INPP4B: variants seen among roughly 807,000 people sequenced by gnomAD.
INPP4B encodes the protein inositol polyphosphate 4-phosphatase type II.
A neutral mutation model predicts 122.5 loss-of-function variants in INPP4B; 55 were observed. That is an observed-to-expected ratio of 0.45 (90% CI 0.36 to 0.56). The LOEUF (loss-of-function observed/expected upper bound fraction) is 0.56, where lower values mean the gene tolerates loss of function less well. Ranked by LOEUF, INPP4B falls within the 20% of genes least tolerant of loss-of-function variation. INPP4B has a pLI of 0.00. For synonymous variants in INPP4B, 403 were observed against 388.7 expected, an observed-to-expected ratio of 1.04 and a Z score of -0.43; for missense variants, 1,000 against 1,097.7, an observed-to-expected ratio of 0.91 and a Z score of 1.26.
intron 2 of INPP4B, among the ~76,000 whole-genome samples, chr4:142,633,929 G>C (rs1185583141): frequency 6.6e-6 from 1 of 152,172 alleles, no homozygotes; most frequent in East Asian, 1.9e-4. Context: ...GGGAGACTGA[G>C]GCAGGAGGAT....
rs150480591 is a variant in INPP4B at position 142,626,570 on chromosome 4, T to G, written c.-191+99269A>C. On this transcript the variant is annotated intron_variant, in intron 2 of 25. Coordinates refer to ENST00000262992, the MANE Select transcript of INPP4B (RefSeq NM_001101669.3). ...ACTTGGAAAAGGGCTCTAAGTTCCA[T>G]GTACGAATTAAACTCCACTCACTTC... is the stretch of plus-strand genomic sequence containing the variant. Among the ~76,000 whole-genome samples the G allele has an allele frequency of 2.6e-3, 401 of 152,112 alleles. 5 individuals are homozygous for G. The highest frequency in any genetic ancestry group is 0.018 in the East Asian group (91 of 5,138).
At chr4:142,382,220 A>G (rs1465792327) in intron 7 of INPP4B, among the ~76,000 whole-genome samples, 6 of 152,052 alleles carry the variant, frequency 3.9e-5, no homozygotes, top group Admixed American at 1.3e-4. Flanking sequence ...AATATTTTAT[A>G]TTTTTCAGCT....
chr4:142,659,725 G>T lies in INPP4B; in HGVS notation c.-191+66114C>A, dbSNP rs548531853. Among the ~76,000 whole-genome samples, 42 of 152,234 alleles carry T rather than the reference G, an allele frequency of 2.8e-4. 1 individual carries two copies. The South Asian group carries it at 8.3e-3, about 30-fold the overall frequency. On this transcript the variant is annotated intron_variant, in intron 2 of 25. Transcript: ENST00000262992. ...AGTAAAACCAAGGGAGCTAACCAAA[G>T]CCAAGCACCATGCACCCAAATCTTA...
intron 1 of INPP4B, among the ~76,000 whole-genome samples, chr4:142,781,032 A>G (rs975276784): frequency 1.3e-5 from 2 of 152,166 alleles, no homozygotes; most frequent in African/African-American, 4.8e-5. Context: ...TGTGAGCTAA[A>G]AAGTGCTATA....
chr4:142,566,650 A>G (rs2150142358), intron 2 of INPP4B, among the ~76,000 whole-genome samples: 1 of 152,334 alleles, frequency 6.6e-6, no homozygotes, highest in South Asian at 2.1e-4. Context: ...CTTGGTTTAC[A>G]GAGAATATGT....
At chr4:142,775,983 T>C (rs993015989) in intron 1 of INPP4B, among the ~76,000 whole-genome samples, 14 of 152,266 alleles carry the variant, frequency 9.2e-5, no homozygotes, top group Admixed American at 3.9e-4. Context: ...AGCCTATTGA[T>C]ATGGTGGATC....
intron 2 of INPP4B, among the ~76,000 whole-genome samples, chr4:142,481,394 C>A (rs1157469453): frequency 1.3e-5 from 2 of 152,026 alleles, no homozygotes; most frequent in African/African-American, 4.8e-5. Flanking sequence ...CAAACCCCTA[C>A]AACCACTAAA....
chr4:142,466,408 G>A (rs1164961433), intron 2 of INPP4B, among the ~76,000 whole-genome samples: 3 of 152,184 alleles, frequency 2.0e-5, no homozygotes, highest in Non-Finnish European at 4.4e-5. Context: ...ATGACTTAGG[G>A]TATCTGGCAG....
At chr4:142,566,296 C>G (rs1487537346) in intron 2 of INPP4B, 1 of 152,048 alleles carries the variant, frequency 6.6e-6, no homozygotes, top group African/African-American at 2.4e-5. Context: ...TAATCTCAAC[C>G]AGAGTAATGG....
chr4:142,049,973 C>CA, intron 25 of INPP4B, among the ~76,000 whole-genome samples: 1 of 152,054 alleles, frequency 6.6e-6, no homozygotes, highest in East Asian at 1.9e-4. Context: ...TCTCATTACT[C>CA]AAAATCACAA....
intron 3 of INPP4B, among the ~76,000 whole-genome samples, chr4:142,435,286 T>A (rs912010695): frequency 1.2e-4 from 18 of 152,130 alleles, no homozygotes; most frequent in Non-Finnish European, 1.8e-4. Context: ...TGTTTTGTGC[T>A]CTCACTTAGT....
intron 16 of INPP4B, among the ~76,000 whole-genome samples, chr4:142,171,405 GAC>G (rs1321562684): frequency 6.6e-6 from 1 of 151,750 alleles, no homozygotes; most frequent in East Asian, 1.9e-4. Context: ...GAAACCAGGG[GAC>G]TCTCCATGAA....
chr4:142,738,661 G>T (rs1204338252), intron 1 of INPP4B, among the ~76,000 whole-genome samples: 1 of 151,914 alleles, frequency 6.6e-6, no homozygotes, highest in East Asian at 1.9e-4. Context: ...GATTCCAAGG[G>T]CTGTCTGCAA....
At chr4:142,667,449 G>T (rs996942281) in intron 2 of INPP4B, among the ~76,000 whole-genome samples, 2 of 152,108 alleles carry the variant, frequency 1.3e-5, no homozygotes, top group African/African-American at 4.8e-5. Flanking sequence ...TATCAATATG[G>T]CTGCAACCTG....
intron 12 of INPP4B, among the ~76,000 whole-genome samples, chr4:142,210,962 A>T (rs1016782346): frequency 1.3e-5 from 2 of 152,198 alleles, no homozygotes; most frequent in African/African-American, 4.8e-5. Flanking sequence ...ATCTTGATAC[A>T]AGCTGTGAGG....
At chr4:142,077,586 T>C (rs549495256) in intron 25 of INPP4B, among the ~76,000 whole-genome samples, 1 of 152,048 alleles carries the variant, frequency 6.6e-6, no homozygotes, top group South Asian at 2.1e-4. Flanking sequence ...TGAAAGTTCC[T>C]ACTAAAAATG....
At chr4:142,688,353 C>T (rs981392330) in intron 2 of INPP4B, among the ~76,000 whole-genome samples, 12 of 152,066 alleles carry the variant, frequency 7.9e-5, no homozygotes, top group Admixed American at 2.0e-4. Context: ...CCCAAATACA[C>T]CATGAGTGAT....
intron 3 of INPP4B, among the ~76,000 whole-genome samples, chr4:142,461,989 C>G (rs1816834498): frequency 1.3e-5 from 2 of 152,266 alleles, no homozygotes; most frequent in African/African-American, 4.8e-5. Context: ...ATCTTATTTT[C>G]AACCCGGCTT....
chr4:142,559,962 G>A (rs1730084899), intron 2 of INPP4B, among the ~76,000 whole-genome samples: 1 of 152,140 alleles, frequency 6.6e-6, no homozygotes, highest in African/African-American at 2.4e-5. Context: ...ATGCCATTCT[G>A]TCCCTCTCAC....
Sources: gnomAD v4.1 joint callset for allele counts (sites outside exome capture counted in the v4.1 genomes callset) on GRCh38, gnomAD v4.1.1 for gene constraint, MANE v1.5 for transcripts, NCBI Gene and HGNC (gene_info 2026-07-23, HGNC 2026-07-21) for gene names.